GPATCH2: variants seen among roughly 807,000 people sequenced by gnomAD.
GPATCH2 encodes the protein G-patch domain containing 2.
In GPATCH2, 51 loss-of-function variants were observed where a neutral mutation model predicts 58.0. That is an observed-to-expected ratio of 0.88 (90% CI 0.70 to 1.11). The LOEUF (loss-of-function observed/expected upper bound fraction) is 1.11, where lower values mean the gene tolerates loss of function less well. Ranked by LOEUF, GPATCH2 falls within the 50% of genes most tolerant of loss-of-function variation. The probability of loss-of-function intolerance (pLI) is 0.00; values close to 1 mark genes in which losing one functional copy is unlikely to be tolerated. For missense variants in GPATCH2, 625 were observed against 652.2 expected (o/e 0.96, Z 0.45); for synonymous variants, 222 against 218.5 (o/e 1.02, Z -0.14).
At chr1:217,618,371 C>T (rs1669002157) in intron 2 of GPATCH2, among the ~76,000 whole-genome samples, 1 of 151,756 alleles carries the variant, frequency 6.6e-6, no homozygotes, top group South Asian at 2.1e-4. Context: ...CCACACTCGG[C>T]TAATTTTTCT....
At chr1:217,607,729 TAC>T (rs1461647401) in intron 5 of GPATCH2, among the ~76,000 whole-genome samples, 1 of 152,232 alleles carries the variant, frequency 6.6e-6, no homozygotes, top group Non-Finnish European at 1.5e-5. Context: ...GTGTATAGAA[TAC>T]AGTTATGGCA....
At chr1:217,569,904 G>A (rs1238619463) in intron 5 of GPATCH2, among the ~76,000 whole-genome samples, 1 of 152,010 alleles carries the variant, frequency 6.6e-6, no homozygotes, top group Non-Finnish European at 1.5e-5. Flanking sequence ...ATTTACGTTT[G>A]GCAATGTTTG....
intron 5 of GPATCH2, among the ~76,000 whole-genome samples, chr1:217,572,508 A>T (rs1195866741): frequency 2.6e-5 from 4 of 152,208 alleles, no homozygotes; most frequent in Non-Finnish European, 4.4e-5. Flanking sequence ...TTGCTGAACA[A>T]CCATTAATCA....
intron 8 of GPATCH2, among the ~76,000 whole-genome samples, chr1:217,464,056 C>G (rs1003308712): frequency 6.6e-6 from 1 of 151,880 alleles, no homozygotes; most frequent in Non-Finnish European, 1.5e-5. Flanking sequence ...GAAATTAAAC[C>G]CTGACCACTT....
chr1:217,625,758 G>A (rs1448521691), intron 1 of GPATCH2, among the ~76,000 whole-genome samples: 1 of 152,106 alleles, frequency 6.6e-6, no homozygotes, highest in East Asian at 1.9e-4. Flanking sequence ...CGAAGTGGGT[G>A]GATCACCTGA....
At chr1:217,601,291 A>G (rs1668095981) in intron 5 of GPATCH2, among the ~76,000 whole-genome samples, 1 of 152,158 alleles carries the variant, frequency 6.6e-6, no homozygotes, top group Admixed American at 6.6e-5. Context: ...AGTTACAAAG[A>G]AACGATACAT....
chr1:217,472,158 A>C (rs1310968140), intron 8 of GPATCH2, among the ~76,000 whole-genome samples: 3 of 152,222 alleles, frequency 2.0e-5, no homozygotes, highest in Non-Finnish European at 2.9e-5. Flanking sequence ...GCTGCCACAA[A>C]TGATCAAGTT....
Position 217,579,217 on chromosome 1 carries a change from T to C in GPATCH2, c.1098+31104A>G, listed in dbSNP as rs144602013. On this transcript the variant is annotated intron_variant, in intron 5 of 9. Coordinates refer to ENST00000366935, the MANE Select transcript of GPATCH2 (RefSeq NM_018040.5). ...ATCCAAACAATGATATATCTTACAA[T>C]AATGTAAGAATACTTAAAATACATT... Among the ~76,000 whole-genome samples the C allele has an allele frequency of 2.2e-4, 34 of 152,138 alleles. No homozygotes were observed. In the East Asian group the frequency reaches 6.0e-3, roughly 27 times the overall value.
intron 5 of GPATCH2, among the ~76,000 whole-genome samples, chr1:217,531,338 T>C (rs1019474793): frequency 3.9e-5 from 6 of 152,214 alleles, no homozygotes; most frequent in African/African-American, 1.4e-4. Context: ...GTGAAACATG[T>C]GCTGAATTAG....
intron 8 of GPATCH2, among the ~76,000 whole-genome samples, chr1:217,464,761 G>C (rs951555628): frequency 6.6e-6 from 1 of 152,158 alleles, no homozygotes; most frequent in African/African-American, 2.4e-5. Context: ...CAACAGAAGA[G>C]AGAGGTATAA....
chr1:217,619,558 G>A (rs1669077529), intron 2 of GPATCH2, among the ~76,000 whole-genome samples: 1 of 152,036 alleles, frequency 6.6e-6, no homozygotes, highest in Non-Finnish European at 1.5e-5. Flanking sequence ...GCTGAAAATT[G>A]AGTCATTATA....
At chr1:217,452,298 T>A (rs2102473540) in intron 8 of GPATCH2, among the ~76,000 whole-genome samples, 1 of 152,338 alleles carries the variant, frequency 6.6e-6, no homozygotes, top group South Asian at 2.1e-4. Flanking sequence ...AAATATTAAA[T>A]ATCAATAAAA....
At chr1:217,589,143 A>T (rs1323066102) in intron 5 of GPATCH2, among the ~76,000 whole-genome samples, 1 of 152,120 alleles carries the variant, frequency 6.6e-6, no homozygotes, top group African/African-American at 2.4e-5. Context: ...GGCTTCTCTT[A>T]TATGTGAAAG....
chr1:217,620,630 C>A (rs1669140444), intron 1 of GPATCH2, 131 bp from the exon 2 acceptor site: 1 of 613,300 alleles, frequency 1.6e-6, no homozygotes, highest in African/African-American at 1.8e-5. Context: ...GCTAATTTTC[C>A]TATCCAAGAT....
chr1:217,608,892 T>A (rs952336535), intron 5 of GPATCH2: 3 of 982,294 alleles, frequency 3.1e-6, no homozygotes, highest in Middle Eastern at 5.2e-4. Context: ...TCTCTCCAAA[T>A]TAGACAAGCA....
At chr1:217,565,835 C>T (rs1666199358) in intron 5 of GPATCH2, among the ~76,000 whole-genome samples, 1 of 152,156 alleles carries the variant, frequency 6.6e-6, no homozygotes, top group South Asian at 2.1e-4. Flanking sequence ...GGCGCAGTGG[C>T]TCATGCCTGT....
intron 5 of GPATCH2, among the ~76,000 whole-genome samples, chr1:217,523,754 G>C (rs1244017452): frequency 6.7e-6 from 1 of 149,716 alleles, no homozygotes; most frequent in Non-Finnish European, 1.5e-5. Flanking sequence ...GGGCGGCCGG[G>C]CAGAGGCGCC....
chr1:217,505,639 A>G (rs914672420), intron 6 of GPATCH2, among the ~76,000 whole-genome samples: 2 of 152,124 alleles, frequency 1.3e-5, no homozygotes, highest in Non-Finnish European at 1.5e-5. Context: ...GGAAAGAGCT[A>G]TTGCAACTTA....
intron 1 of GPATCH2, among the ~76,000 whole-genome samples, chr1:217,623,214 T>C (rs1000357994): frequency 3.9e-5 from 6 of 152,248 alleles, no homozygotes; most frequent in Admixed American, 2.0e-4. Context: ...TTCTTATCAA[T>C]GGGTGAATGG....
Sources: allele counts gnomAD v4.1 joint callset (sites outside exome capture counted in the v4.1 genomes callset), GRCh38; gene constraint gnomAD v4.1.1; transcripts MANE v1.5; gene names NCBI Gene and HGNC (gene_info 2026-07-23, HGNC 2026-07-21).